Variants in CNGA1 observed in about 807,000 individuals in gnomAD.
CNGA1 encodes cyclic nucleotide-gated channel alpha-1.
Under a neutral mutation model 69.7 loss-of-function variants are expected in CNGA1, and 53 were observed. The observed-to-expected ratio is 0.76, with a 90% CI of 0.61 to 0.96. The LOEUF (loss-of-function observed/expected upper bound fraction) is 0.96. CNGA1 is among the 40% of genes least tolerant of loss of function. The probability of loss-of-function intolerance (pLI) is 0.00; values close to 1 mark genes in which losing one functional copy is unlikely to be tolerated. For synonymous variants in CNGA1, 249 were observed against 283.5 expected (o/e 0.88, Z 1.22); for missense variants, 739 against 811.2 (o/e 0.91, Z 1.08).
At chr4:48,010,238 T>C (rs966092345) in intron 2 of CNGA1, among the ~76,000 whole-genome samples, 1 of 152,152 alleles carries the variant, frequency 6.6e-6, no homozygotes, top group African/African-American at 2.4e-5. Flanking sequence ...TATCATAGGA[T>C]TGTATAAGGA....
intron 6 of CNGA1, among the ~76,000 whole-genome samples, chr4:47,944,215 G>A (rs539592928): frequency 1.3e-3 from 192 of 152,264 alleles, no homozygotes; most frequent in African/African-American, 4.4e-3. Flanking sequence ...GAGTTGAGAA[G>A]AAGAGAGAGG....
intron 2 of CNGA1, among the ~76,000 whole-genome samples, chr4:47,998,100 G>A (rs887634843): frequency 1.3e-5 from 2 of 152,124 alleles, no homozygotes; most frequent in Non-Finnish European, 2.9e-5. Flanking sequence ...GAGAAATGGG[G>A]GAAAAATGAG....
chr4:47,988,477 A>G (rs1345970257), intron 2 of CNGA1, among the ~76,000 whole-genome samples: 1 of 152,130 alleles, frequency 6.6e-6, no homozygotes, highest in Non-Finnish European at 1.5e-5. Context: ...CAGCTCTCAG[A>G]GTAGCAACAT....
At chr4:47,954,793 C>T (rs542727306) in intron 3 of CNGA1, among the ~76,000 whole-genome samples, 9 of 152,296 alleles carry the variant, frequency 5.9e-5, no homozygotes, top group Admixed American at 5.9e-4. Flanking sequence ...GAAAACCTTA[C>T]GAGCCTTTTT....
Position 47,951,487 on chromosome 4 carries a change from G to A in CNGA1, c.108-18C>T. On this transcript the variant is annotated intron_variant, in intron 4 of 10. Transcript: ENST00000514170. Reference sequence around the variant, plus strand: ...AAAAGGAGCTACAGTCCAATAGGAGGCAGAGAGAGAAGAGTTAATGTTTTC... The same window carrying A: ...AAAAGGAGCTACAGTCCAATAGGAGACAGAGAGAGAAGAGTTAATGTTTTC... 6.5e-7 allele frequency: 1 copy of A among 1,529,068 alleles called. No homozygotes were observed. The highest frequency in any genetic ancestry group is 1.7e-4 in the Middle Eastern group (1 of 5,916). 94.7% of individuals were successfully genotyped at this position (1,529,068 alleles called of 1,614,324 possible).
At chr4:47,974,068 CTAGA>C (rs66992308) in intron 3 of CNGA1, among the ~76,000 whole-genome samples, 39,151 of 137,648 alleles carry the variant, frequency 0.28, 5,473 homozygotes, top group Middle Eastern at 0.35. Flanking sequence ...AACCTGGTCT[CTAGA>C]TAGATAGATA....
At chr4:47,967,318 A>G (rs1740778233) in intron 3 of CNGA1, among the ~76,000 whole-genome samples, 2 of 151,978 alleles carry the variant, frequency 1.3e-5, no homozygotes, top group Non-Finnish European at 2.9e-5. Context: ...ACAAAAAAAC[A>G]AAACAAAAAA....
chr4:47,964,960 T>C (rs1177522474), intron 3 of CNGA1, among the ~76,000 whole-genome samples: 4 of 152,184 alleles, frequency 2.6e-5, no homozygotes, highest in Middle Eastern at 3.2e-3. Flanking sequence ...TTACTGGCCT[T>C]TACAACATTT....
At chr4:47,948,795 G>C (rs1471515324) in intron 6 of CNGA1, among the ~76,000 whole-genome samples, 1 of 152,182 alleles carries the variant, frequency 6.6e-6, no homozygotes, top group Non-Finnish European at 1.5e-5. Context: ...CTCAAGAAGG[G>C]CATGGTGACC....
At chr4:47,997,109 T>C (rs1714381823) in intron 2 of CNGA1, among the ~76,000 whole-genome samples, 1 of 152,142 alleles carries the variant, frequency 6.6e-6, no homozygotes, top group Admixed American at 6.6e-5. Context: ...ACCTATATAA[T>C]GTTGTGCCTT....
chr4:47,941,938 A>C (rs1222415748), intron 9 of CNGA1, 103 bp downstream of exon 9: 4 of 699,568 alleles, frequency 5.7e-6, no homozygotes, highest in Non-Finnish European at 1.0e-5. Context: ...TAGAGAAAGG[A>C]GGTGTGTCCT....
At chr4:47,950,665 GA>G (rs1375125729) in intron 5 of CNGA1, among the ~76,000 whole-genome samples, 1 of 151,606 alleles carries the variant, frequency 6.6e-6, no homozygotes, top group East Asian at 1.9e-4. Context: ...TAAGAAAAAG[GA>G]AAAAAAAGTA....
chr4:47,997,966 A>G (rs1228960550), intron 2 of CNGA1, among the ~76,000 whole-genome samples: 1 of 152,238 alleles, frequency 6.6e-6, no homozygotes, highest in African/African-American at 2.4e-5. Context: ...TAGAAAAATC[A>G]TAAGATGAAC....
intron 3 of CNGA1, among the ~76,000 whole-genome samples, chr4:47,955,958 T>C (rs1740061235): frequency 6.6e-6 from 1 of 152,204 alleles, no homozygotes; most frequent in Non-Finnish European, 1.5e-5. Flanking sequence ...ACTCACTAAA[T>C]TTACAACGAC....
intron 10 of CNGA1, 85 bp from the exon 11 acceptor site, chr4:47,937,914 T>C: frequency 1.0e-6 from 1 of 1,003,442 alleles, no homozygotes; most frequent in Non-Finnish European, 1.5e-6. Flanking sequence ...TTAACTTTGT[T>C]GAGGTCAACA....
chr4:47,944,135 A>G (rs1360878994), intron 6 of CNGA1, among the ~76,000 whole-genome samples: 1 of 152,200 alleles, frequency 6.6e-6, no homozygotes, highest in East Asian at 1.9e-4. Flanking sequence ...TGTTACCACT[A>G]GGATAGTCAG....
intron 2 of CNGA1, among the ~76,000 whole-genome samples, chr4:47,987,844 A>G (rs1354776057): frequency 2.0e-5 from 3 of 152,196 alleles, no homozygotes; most frequent in Non-Finnish European, 2.9e-5. Context: ...CCCACTTCCA[A>G]GGGAAGAGTT....
intron 2 of CNGA1, among the ~76,000 whole-genome samples, chr4:48,008,684 A>G (rs1172916076): frequency 2.0e-5 from 3 of 152,352 alleles, no homozygotes; most frequent in Admixed American, 6.5e-5. Flanking sequence ...CATCAATTAA[A>G]GTTATGAAAC....
At position 47,937,152 on chromosome 4, in the gene CNGA1, C is replaced by G. The variant is rs575292558; in HGVS notation, c.1330G>C (p.Val444Leu). The change falls in exon 11 of 11, where the codon GTT (valine) becomes CTT (leucine). Residue 444 changes from valine (V) to leucine (L), a missense_variant. Transcript: ENST00000514170. ...FDYLWTNKKT[V>L]DEKEVLKYLP... ...TACTTTAAGACTTCTTTCTCATCAA[C>G]TGTTTTTTTGTTGGTCCACAGGTAG... is the stretch of plus-strand genomic sequence containing the variant. 2.5e-6 allele frequency: 4 copies of G among 1,614,178 alleles called. No homozygotes were observed. In the African/African-American group the frequency reaches 5.3e-5, roughly 22 times the overall value.
Sources: gnomAD v4.1 joint callset for allele counts (sites outside exome capture counted in the v4.1 genomes callset) on GRCh38, gnomAD v4.1.1 for gene constraint, MANE v1.5 for transcripts, NCBI Gene and HGNC (gene_info 2026-07-23, HGNC 2026-07-21) for gene names.